The following FHL2 variants were observed in gnomAD, a reference collection of about 807,000 sequenced individuals.
FHL2 encodes four and a half LIM domains 2, also known as four and a half LIM domains protein 2.
A neutral mutation model predicts 32.7 loss-of-function variants in FHL2; 20 were observed. The ratio of observed to expected loss-of-function variants is 0.61; its 90% CI spans 0.43 to 0.89. The LOEUF (loss-of-function observed/expected upper bound fraction) is 0.89. Among genes scored for constraint, FHL2 ranks in the 40% least tolerant of loss-of-function variants. The probability of loss-of-function intolerance (pLI) is 0.00; values close to 1 mark genes in which losing one functional copy is unlikely to be tolerated. For missense variants in FHL2, 311 were observed against 358.6 expected (o/e 0.87, Z 1.07); for synonymous variants, 123 against 128.1 (o/e 0.96, Z 0.27).
chr2:105,426,720 A>G (rs568579757), intron 1 of FHL2, among the ~76,000 whole-genome samples: 1 of 152,354 alleles, frequency 6.6e-6, no homozygotes, highest in East Asian at 1.9e-4. Flanking sequence ...GTTGTGGCAC[A>G]GAAGGGAGGT....
chr2:105,373,751 A>T lies in FHL2; in HGVS notation c.157-18T>A, dbSNP rs956473814. Reference sequence around the variant, plus strand: ...GACAAGTCCTGTGGGGCCAGACCACACAAGACAGTCAGAGGCAGGACAGGA... The same window carrying T: ...GACAAGTCCTGTGGGGCCAGACCACTCAAGACAGTCAGAGGCAGGACAGGA... On this transcript the variant is annotated intron_variant, in intron 3 of 6. Transcript: ENST00000530340. The T allele has an allele frequency of 6.2e-7, 1 of 1,613,124 alleles. No individual in the cohort carries two copies. Among genetic ancestry groups the T allele is most frequent in the African/African-American group, 1.3e-5 (1 of 74,914 alleles).
At chr2:105,426,253 A>G (rs1217834734) in intron 1 of FHL2, among the ~76,000 whole-genome samples, 1 of 152,166 alleles carries the variant, frequency 6.6e-6, no homozygotes, top group African/African-American at 2.4e-5. Flanking sequence ...CCAGCTTTCT[A>G]AAAGGCAATG....
intron 1 of FHL2, among the ~76,000 whole-genome samples, chr2:105,437,947 T>A (rs1360400113): frequency 1.3e-5 from 2 of 152,230 alleles, no homozygotes; most frequent in African/African-American, 4.8e-5. Context: ...ATCCCAGGCT[T>A]TCCGGAAATT....
chr2:105,363,149 G>T, intron 6 of FHL2, 136 bp downstream of exon 6: 1 of 736,752 alleles, frequency 1.4e-6, no homozygotes, highest in Non-Finnish European at 2.2e-6. Context: ...AAGCAGATAG[G>T]CAGAAAAGTC....
At chr2:105,419,853 A>G (rs982321029) in intron 1 of FHL2, among the ~76,000 whole-genome samples, 3 of 152,092 alleles carry the variant, frequency 2.0e-5, no homozygotes, top group Non-Finnish European at 4.4e-5. Context: ...TAATTAACAG[A>G]CCCCAGCTAA....
chr2:105,436,824 A>T (rs1684627815), intron 1 of FHL2, among the ~76,000 whole-genome samples: 1 of 152,240 alleles, frequency 6.6e-6, no homozygotes, highest in African/African-American at 2.4e-5. Context: ...TTTTTATAGT[A>T]AACAGATTAT....
intron 6 of FHL2, 43 bp from the exon 7 acceptor site, chr2:105,361,477 A>C: frequency 1.3e-6 from 2 of 1,575,860 alleles, no homozygotes; most frequent in Non-Finnish European, 1.7e-6. Flanking sequence ...GAAAGTTAGA[A>C]TCAGGCAACT....
At chr2:105,422,157 AG>A (rs1311133403) in intron 1 of FHL2, among the ~76,000 whole-genome samples, 1 of 152,214 alleles carries the variant, frequency 6.6e-6, no homozygotes, top group Non-Finnish European at 1.5e-5. Flanking sequence ...AGCCATAGTA[AG>A]AAACAGCTGT....
At chr2:105,394,329 G>C (rs899430044) in intron 2 of FHL2, among the ~76,000 whole-genome samples, 5 of 151,920 alleles carry the variant, frequency 3.3e-5, no homozygotes, top group African/African-American at 1.2e-4. Context: ...TTGAGCCCAA[G>C]AGTTCGAGGC....
intron 1 of FHL2, among the ~76,000 whole-genome samples, chr2:105,404,580 G>A (rs961646859): frequency 2.6e-5 from 4 of 152,214 alleles, no homozygotes; most frequent in Non-Finnish European, 5.9e-5. Flanking sequence ...CCCGTGAGCT[G>A]GGTGCAGTTG....
chr2:105,384,994 C>T (rs547933279), intron 3 of FHL2, among the ~76,000 whole-genome samples: 8 of 152,316 alleles, frequency 5.3e-5, no homozygotes, highest in East Asian at 1.9e-4. Context: ...CAGTGAGACA[C>T]GCAGCAGGCA....
At chr2:105,433,457 C>A (rs946320764) in intron 1 of FHL2, among the ~76,000 whole-genome samples, 1 of 152,202 alleles carries the variant, frequency 6.6e-6, no homozygotes, top group Non-Finnish European at 1.5e-5. Context: ...GCTGGGATTA[C>A]AGGCGTGAGC....
chr2:105,400,831 T>C (rs1170867244), upstream of FHL2, among the ~76,000 whole-genome samples: 8 of 152,078 alleles, frequency 5.3e-5, no homozygotes, highest in Non-Finnish European at 7.4e-5. Flanking sequence ...TTGTGTTTTA[T>C]TATTAAGAAA....
upstream of FHL2, among the ~76,000 whole-genome samples, chr2:105,402,054 CGTAT>C (rs1465545306): frequency 6.3e-4 from 92 of 146,374 alleles, no homozygotes; most frequent in African/African-American, 2.2e-3. Flanking sequence ...CGTATATATA[CGTAT>C]GTATGTACAT....
intron 1 of FHL2, among the ~76,000 whole-genome samples, chr2:105,415,978 A>G (rs994893127): frequency 6.6e-6 from 1 of 152,236 alleles, no homozygotes; most frequent in African/African-American, 2.4e-5. Flanking sequence ...GTGTGGAACC[A>G]TATTCAATCA....
chr2:105,411,805 G>C (rs1158451447), intron 1 of FHL2, among the ~76,000 whole-genome samples: 1 of 151,420 alleles, frequency 6.6e-6, no homozygotes, highest in Non-Finnish European at 1.5e-5. Flanking sequence ...CTGGGCAACA[G>C]AGCAAGACTC....
At chr2:105,394,739 T>C (rs1274512922) in intron 2 of FHL2, among the ~76,000 whole-genome samples, 1 of 152,212 alleles carries the variant, frequency 6.6e-6, no homozygotes, top group Non-Finnish European at 1.5e-5. Flanking sequence ...CACTGTATAA[T>C]ATATTTACAG....
intron 3 of FHL2, among the ~76,000 whole-genome samples, chr2:105,380,920 A>G (rs971369717): frequency 3.9e-5 from 6 of 152,226 alleles, no homozygotes; most frequent in Admixed American, 3.9e-4. Context: ...CTGGTTTTGT[A>G]TTTTTCCATT....
intron 3 of FHL2, 98 bp from the exon 4 acceptor site, chr2:105,373,831 A>C (rs879170396): frequency 7.7e-7 from 1 of 1,296,834 alleles, no homozygotes; most frequent in Non-Finnish European, 1.1e-6. Context: ...CAAACAAGGA[A>C]AGAAGTTGGG....
Sources: gnomAD v4.1 joint callset for allele counts (sites outside exome capture counted in the v4.1 genomes callset) on GRCh38, gnomAD v4.1.1 for gene constraint, MANE v1.5 for transcripts, NCBI Gene and HGNC (gene_info 2026-07-23, HGNC 2026-07-21) for gene names.